SSH2: variants seen among roughly 807,000 people sequenced by gnomAD.
SSH2 encodes slingshot protein phosphatase 2.
In SSH2, 37 loss-of-function variants were observed where a neutral mutation model predicts 135.2. That is an observed-to-expected ratio of 0.27 (90% CI 0.21 to 0.36). The LOEUF is 0.36. Ranked by LOEUF, SSH2 falls within the 10% of genes least tolerant of loss-of-function variation. The pLI, the probability that SSH2 is intolerant of heterozygous loss-of-function variation, is 1.00. For synonymous variants in SSH2, 628 were observed against 646.2 expected, an observed-to-expected ratio of 0.97 and a Z score of 0.43; for missense variants, 1,408 against 1,765.3, an observed-to-expected ratio of 0.80 and a Z score of 3.63.
At chr17:29,884,913 G>A (rs1350045482) in intron 1 of SSH2, among the ~76,000 whole-genome samples, 1 of 152,134 alleles carries the variant, frequency 6.6e-6, no homozygotes, top group Non-Finnish European at 1.5e-5. Context: ...AAACTTTTAT[G>A]TTCCTCACTG....
intron 3 of SSH2, among the ~76,000 whole-genome samples, chr17:29,778,835 CAAAAAAAAAAAAAAAAAA>C (rs60595591): frequency 2.6e-5 from 1 of 37,868 alleles, no homozygotes; most frequent in East Asian, 1.1e-3. Context: ...CTCCGTCTCC[CAAAAAAAAAAAAAAAAAA>C]AAAAAAAAAA....
At position 29,631,070 on chromosome 17, in the gene SSH2, T is replaced by C. The variant is rs374938013; in HGVS notation, c.4124A>G (p.Lys1375Arg). The stretch of plus-strand genomic sequence containing the variant: ...ATACTGCTGACTAGAACCAAATTCT[T>C]TGGCATACTGCACAAGGGGCCTCTC... The part of the protein sequence containing the change: ...PVERPLVQYA[K>R]EFGSSQQYLL... The change falls in exon 16 of 16, where the codon AAA becomes AGA. Residue 1375 changes from lysine (K) to arginine (R), a missense_variant. Physicochemically the swap from Lys to Arg is conservative, Grantham distance 26. This residue lies in a region of SSH2 where 1,080 missense variants were observed against 1,144.5 expected (regional missense o/e 0.94). Transcript: ENST00000540801. The C allele has an allele frequency of 1.5e-5, 24 of 1,614,090 alleles. No individual in the cohort carries two copies. Among genetic ancestry groups the C allele is most frequent in the Non-Finnish European group, 1.9e-5 (23 of 1,180,046 alleles).
intron 3 of SSH2, among the ~76,000 whole-genome samples, chr17:29,747,758 T>C: frequency 6.6e-6 from 1 of 152,350 alleles, no homozygotes; most frequent in East Asian, 1.9e-4. Context: ...TCTACATCAC[T>C]GTTCTTTAGC....
At chr17:29,849,555 A>T (rs2065512559) in intron 1 of SSH2, among the ~76,000 whole-genome samples, 1 of 150,868 alleles carries the variant, frequency 6.6e-6, no homozygotes, top group South Asian at 2.1e-4. Context: ...CAGACTGGGG[A>T]TAGATTTGTG....
intron 1 of SSH2, among the ~76,000 whole-genome samples, chr17:29,872,801 G>T (rs1369841057): frequency 2.0e-5 from 3 of 151,990 alleles, no homozygotes; most frequent in African/African-American, 7.3e-5. Flanking sequence ...TTCGAGACCA[G>T]CCTGGACAGC....
At chr17:29,926,496 G>A (rs2067068057) in intron 1 of SSH2, among the ~76,000 whole-genome samples, 1 of 151,648 alleles carries the variant, frequency 6.6e-6, no homozygotes, top group Admixed American at 6.6e-5. Context: ...GGAGGTTGCA[G>A]TGAGCCGAGA....
At chr17:29,887,818 C>T (rs958287386) in intron 1 of SSH2, among the ~76,000 whole-genome samples, 1 of 152,150 alleles carries the variant, frequency 6.6e-6, no homozygotes, top group Admixed American at 6.6e-5. Flanking sequence ...TAAATAAGTG[C>T]TTTCAGCTTA....
chr17:29,876,974 C>T (rs950931074), intron 1 of SSH2, among the ~76,000 whole-genome samples: 11 of 151,846 alleles, frequency 7.2e-5, no homozygotes, highest in South Asian at 2.1e-4. Flanking sequence ...ACCCATCTGA[C>T]GAGGGATTAA....
In SSH2 at chr17:29,666,983, A is replaced by G; in HGVS notation, c.916T>C (p.Leu306=). 2 of 1,613,944 alleles carry G rather than the reference A, an allele frequency of 1.2e-6. No individual in the cohort carries two copies. The highest frequency in any genetic ancestry group is 1.7e-6 in the Non-Finnish European group (2 of 1,179,980). The change falls in exon 11 of 16, where the codon TTG becomes CTG. Residue 306 remains leucine, a synonymous_variant. Transcript: ENST00000540801. ...AAGTTGCACACCATTTGCATTTCCA[A>G]CTCTGTTCTTATCTGAAACAAAGAT... ...NITSKEIRTE[L]EMQMVCNLRE...
chr17:29,693,149 T>C (rs1265853674), intron 5 of SSH2, among the ~76,000 whole-genome samples: 1 of 152,044 alleles, frequency 6.6e-6, no homozygotes, highest in South Asian at 2.1e-4. Context: ...GGTTTTGCCA[T>C]GTTGCCTAGG....
chr17:29,772,476 C>T (rs1236136328), intron 3 of SSH2, among the ~76,000 whole-genome samples: 1 of 152,016 alleles, frequency 6.6e-6, no homozygotes, highest in Non-Finnish European at 1.5e-5. Context: ...TCTTCTTACT[C>T]TTACTTAATT....
chr17:29,913,337 A>ATTAT (rs2066801757), intron 1 of SSH2, among the ~76,000 whole-genome samples: 3 of 53,294 alleles, frequency 5.6e-5, no homozygotes, highest in East Asian at 1.5e-3. Context: ...AAAAAAAAAA[A>ATTAT]AAAAAAAAAA....
intron 3 of SSH2, among the ~76,000 whole-genome samples, chr17:29,751,170 C>T (rs1038854404): frequency 6.6e-6 from 1 of 152,238 alleles, no homozygotes; most frequent in Non-Finnish European, 1.5e-5. Context: ...AATCCCAGCA[C>T]TCTGGGAGGC....
chr17:29,889,822 A>T (rs866146369), intron 1 of SSH2, among the ~76,000 whole-genome samples: 2 of 149,848 alleles, frequency 1.3e-5, no homozygotes, highest in South Asian at 4.2e-4. Context: ...AAAAAAAAAA[A>T]AAAAAACCAG....
chr17:29,848,641 T>C (rs992528184), intron 2 of SSH2, among the ~76,000 whole-genome samples: 4 of 152,210 alleles, frequency 2.6e-5, no homozygotes, highest in African/African-American at 4.8e-5. Context: ...TGAGTGGTCA[T>C]TGCCATGGCA....
intron 5 of SSH2, 82 bp downstream of exon 5, chr17:29,695,377 G>T: frequency 1.9e-6 from 2 of 1,026,936 alleles, no homozygotes; most frequent in Non-Finnish European, 3.0e-6. Flanking sequence ...GCACTGTGTT[G>T]GGATGTAAAA....
At chr17:29,815,123 ATT>A (rs71360722) in intron 2 of SSH2, among the ~76,000 whole-genome samples, 17,381 of 98,464 alleles carry the variant, frequency 0.18, 1,274 homozygotes, top group Non-Finnish European at 0.24. Context: ...TATTTTTTGT[ATT>A]TTTTTTTTTT....
rs536464237 is a variant in SSH2 at position 29,895,154 on chromosome 17, C to T, written c.63+34784G>A. 1.9e-3 allele frequency among the ~76,000 whole-genome samples: 271 copies of T among 144,724 alleles called. 2 individuals are homozygous for T. In the South Asian group the frequency reaches 0.02, roughly 10 times the overall value. The allele number at this position is 144,724 out of a possible 152,430, so 94.9% of individuals were successfully genotyped here. On this transcript the variant is annotated intron_variant, in intron 1 of 15. Transcript: ENST00000540801. The stretch of plus-strand genomic sequence containing the variant: ...TATACATTCTATTTTATTTATAGAT[C>T]GCAGAATGTATAAAATACATTATAC...
chr17:29,689,832 G>A (rs1028869048), intron 5 of SSH2, among the ~76,000 whole-genome samples: 2 of 151,804 alleles, frequency 1.3e-5, no homozygotes, highest in Admixed American at 6.6e-5. Flanking sequence ...TACTCGGGAG[G>A]CTGCAGTGGG....
Sources: gnomAD v4.1 joint callset for allele counts (sites outside exome capture counted in the v4.1 genomes callset) on GRCh38, gnomAD v4.1.1 for gene constraint, gnomAD v4.1.1 regional missense constraint, MANE v1.5 for transcripts, NCBI Gene and HGNC (gene_info 2026-07-23, HGNC 2026-07-21) for gene names.